Variants in WLS observed in about 807,000 individuals in gnomAD.
WLS encodes the protein protein wntless homolog.
A neutral mutation model predicts 62.8 loss-of-function variants in WLS; 23 were observed. The ratio of observed to expected loss-of-function variants is 0.37; its 90% confidence interval spans 0.26 to 0.52. The LOEUF (loss-of-function observed/expected upper bound fraction) is 0.52. WLS is among the 20% of genes least tolerant of loss of function. WLS has a pLI of 0.92. For missense variants in WLS, 615 were observed against 697.3 expected (o/e 0.88, Z 1.33); for synonymous variants, 246 against 244.1 (o/e 1.01, Z -0.07).
At chr1:68,209,740 A>T (rs1328775729) in intron 1 of WLS, among the ~76,000 whole-genome samples, 1 of 152,130 alleles carries the variant, frequency 6.6e-6, no homozygotes, top group East Asian at 1.9e-4. Context: ...AAGATTGCAC[A>T]ATTGCGCTCC....
intron 2 of WLS, among the ~76,000 whole-genome samples, chr1:68,179,702 A>G (rs1176475948): frequency 6.6e-6 from 1 of 152,182 alleles, no homozygotes; most frequent in East Asian, 1.9e-4. Context: ...GAGGAAAGTC[A>G]ACTCTTATAG....
intron 8 of WLS, among the ~76,000 whole-genome samples, chr1:68,146,946 C>A (rs1007282198): frequency 6.6e-6 from 1 of 151,952 alleles, no homozygotes; most frequent in Non-Finnish European, 1.5e-5. Flanking sequence ...AGTGCGATGG[C>A]ACAATCTTGG....
chr1:68,148,688 A>G, intron 6 of WLS, 28 bp from the exon 7 acceptor site: 1 of 1,608,534 alleles, frequency 6.2e-7, no homozygotes, highest in Non-Finnish European at 8.5e-7. Context: ...GAGAAGGGAG[A>G]TAGAGGGGAG....
At chr1:68,160,801 G>T (rs1311218108) in intron 2 of WLS, among the ~76,000 whole-genome samples, 1 of 152,078 alleles carries the variant, frequency 6.6e-6, no homozygotes, top group Non-Finnish European at 1.5e-5. Flanking sequence ...AAACAAAAAG[G>T]CAATGATTCA....
intron 6 of WLS, among the ~76,000 whole-genome samples, chr1:68,149,800 C>G (rs1646801833): frequency 6.6e-6 from 1 of 152,154 alleles, no homozygotes. Context: ...ACAGGACAAG[C>G]AGGGCAGAAG....
At chr1:68,201,641 G>A (rs1164581153) in intron 1 of WLS, among the ~76,000 whole-genome samples, 1 of 152,200 alleles carries the variant, frequency 6.6e-6, no homozygotes, top group African/African-American at 2.4e-5. Context: ...TAAGTGAAAT[G>A]AAATTCATTC....
chr1:68,143,083 A>G (rs1350124795), intron 10 of WLS, among the ~76,000 whole-genome samples: 1 of 152,168 alleles, frequency 6.6e-6, no homozygotes, highest in Non-Finnish European at 1.5e-5. Flanking sequence ...ATATATAGAG[A>G]TGATTCCCCT....
chr1:68,114,382 A>G (rs1646264654), intron 11 of WLS, among the ~76,000 whole-genome samples: 1 of 152,200 alleles, frequency 6.6e-6, no homozygotes, highest in Admixed American at 6.5e-5. Context: ...CTTATTTGTC[A>G]TTTCATGGGC....
At position 68,163,240 on chromosome 1, in the gene WLS, T is replaced by C. The variant is rs1647010041; in HGVS notation, c.380-3993A>G. ...AAATCTGTACACTATAAATCTATAG[T>C]TCACACGATGGGCTGTCCGTCTTTT... is the stretch of plus-strand genomic sequence containing the variant. On this transcript the variant is annotated intron_variant, in intron 2 of 11. Coordinates refer to ENST00000262348, the MANE Select transcript of WLS (RefSeq NM_024911.7). The C allele has an allele frequency of 5.4e-6, 3 of 558,792 alleles. No homozygotes were observed. The Admixed American group carries it at 1.0e-4, about 19-fold the overall frequency. 34.6% of individuals were successfully genotyped at this position (558,792 alleles called of 1,614,324 possible).
chr1:68,114,988 T>G (rs921501555), intron 11 of WLS, among the ~76,000 whole-genome samples: 2 of 152,210 alleles, frequency 1.3e-5, no homozygotes, highest in Non-Finnish European at 2.9e-5. Context: ...CAGGTAGGAC[T>G]AAGCTTGGAT....
chr1:68,106,289 A>T (rs1646141671), intron 11 of WLS, among the ~76,000 whole-genome samples: 1 of 152,236 alleles, frequency 6.6e-6, no homozygotes, highest in Non-Finnish European at 1.5e-5. Context: ...GTTAGCAGTG[A>T]GTGCTCTTGA....
At chr1:68,159,091 A>G in intron 3 of WLS, 32 bp downstream of exon 3, 1 of 1,610,804 alleles carries the variant, frequency 6.2e-7, no homozygotes, top group African/African-American at 1.3e-5. Flanking sequence ...AACCAAATAA[A>G]AACTGTCAGC....
intron 1 of WLS, among the ~76,000 whole-genome samples, chr1:68,215,187 T>A (rs933597990): frequency 1.3e-5 from 2 of 152,110 alleles, no homozygotes; most frequent in Non-Finnish European, 2.9e-5. Flanking sequence ...GGCGAAACAC[T>A]AGGCAGCCAA....
At chr1:68,166,598 G>A (rs1195554205) in intron 2 of WLS, among the ~76,000 whole-genome samples, 1 of 152,180 alleles carries the variant, frequency 6.6e-6, no homozygotes, top group African/African-American at 2.4e-5. Context: ...AGCATACTTG[G>A]TCAAAGAGCC....
intron 6 of WLS, among the ~76,000 whole-genome samples, chr1:68,149,104 T>A (rs768638699): frequency 5.3e-5 from 8 of 152,166 alleles, no homozygotes; most frequent in Admixed American, 1.3e-4. Flanking sequence ...GTGAGGAAAA[T>A]AGGCATATTT....
chr1:68,135,279 CTA>C (rs1397040582), intron 11 of WLS, among the ~76,000 whole-genome samples: 3 of 146,598 alleles, frequency 2.0e-5, no homozygotes, highest in Non-Finnish European at 4.5e-5. Flanking sequence ...ATATCTGGGA[CTA>C]CAGGTGCACA....
intron 1 of WLS, among the ~76,000 whole-genome samples, chr1:68,199,883 C>T (rs890908879): frequency 2.6e-5 from 4 of 152,090 alleles, no homozygotes; most frequent in African/African-American, 9.7e-5. Context: ...AGAAGCTCCC[C>T]GTCCTATTCC....
chr1:68,162,180 G>T, intron 2 of WLS: 2 of 1,436,418 alleles, frequency 1.4e-6, no homozygotes, highest in Non-Finnish European at 2.0e-6. Flanking sequence ...CCTGAGCAAA[G>T]CTAAAGGGCT....
At chr1:68,106,275 G>C (rs1223075666) in intron 11 of WLS, among the ~76,000 whole-genome samples, 1 of 152,172 alleles carries the variant, frequency 6.6e-6, no homozygotes, top group Non-Finnish European at 1.5e-5. Flanking sequence ...TGGCCAGGAG[G>C]GGAGTTAGCA....
Sources: allele counts gnomAD v4.1 joint callset (sites outside exome capture counted in the v4.1 genomes callset), GRCh38; gene constraint gnomAD v4.1.1; transcripts MANE v1.5; gene names NCBI Gene and HGNC (gene_info 2026-07-23, HGNC 2026-07-21).